Variants in ITGB5 observed in about 807,000 individuals in gnomAD.
The protein encoded by ITGB5 is integrin beta-5.
In ITGB5, 38 loss-of-function variants were observed where a neutral mutation model predicts 84.8. The ratio of observed to expected loss-of-function variants is 0.45; its 90% CI spans 0.35 to 0.59. ITGB5 has a LOEUF of 0.59. Among genes scored for constraint, ITGB5 ranks in the 20% least tolerant of loss-of-function variants. The pLI is 0.01. For synonymous variants in ITGB5, 393 were observed against 414.4 expected, an observed-to-expected ratio of 0.95 and a Z score of 0.63; for missense variants, 905 against 1,034.5, an observed-to-expected ratio of 0.87 and a Z score of 1.72.
intron 4 of ITGB5, among the ~76,000 whole-genome samples, chr3:124,846,405 C>G (rs531800701): frequency 6.7e-6 from 1 of 150,258 alleles, no homozygotes; most frequent in Admixed American, 6.6e-5. Context: ...CAGCTCAGCC[C>G]TCATCAGATG....
At chr3:124,878,641 C>G (rs916695650) in intron 1 of ITGB5, 3 of 152,118 alleles carry the variant, frequency 2.0e-5, no homozygotes, top group Non-Finnish European at 4.4e-5. Context: ...GTGCCGGGTA[C>G]CAGGTACCAG....
chr3:124,888,479 A>T (rs890860805), upstream of ITGB5, among the ~76,000 whole-genome samples: 1 of 152,094 alleles, frequency 6.6e-6, no homozygotes, highest in Admixed American at 6.6e-5. Context: ...TTTAGAGTGG[A>T]GTGGTTGATA....
chr3:124,841,179 G>A (rs1361974457), intron 5 of ITGB5, among the ~76,000 whole-genome samples: 1 of 152,172 alleles, frequency 6.6e-6, no homozygotes, highest in East Asian at 1.9e-4. Flanking sequence ...CAGAGACACA[G>A]ACCAGCCCAA....
intron 6 of ITGB5, among the ~76,000 whole-genome samples, chr3:124,820,302 C>G (rs188610460): frequency 6.6e-6 from 1 of 152,324 alleles, no homozygotes; most frequent in East Asian, 1.9e-4. Flanking sequence ...CAACATCCCC[C>G]ACAGGTCCTG....
At chr3:124,896,165 C>T (rs1935097754) in intron 1 of ITGB5, among the ~76,000 whole-genome samples, 1 of 152,212 alleles carries the variant, frequency 6.6e-6, no homozygotes, top group African/African-American at 2.4e-5. Context: ...AAATGATCAC[C>T]TTTCCTCTTT....
intron 5 of ITGB5, 67 bp from the exon 6 acceptor site, chr3:124,821,541 A>G (rs565353207): frequency 3.8e-5 from 59 of 1,551,164 alleles, no homozygotes; most frequent in Non-Finnish European, 4.3e-5. Flanking sequence ...CATGCAGGGC[A>G]CTGGCCCCTC....
Position 124,811,634 on chromosome 3 carries a change from C to T in ITGB5, c.1129-2478G>A, listed in dbSNP as rs78404888. Among the ~76,000 whole-genome samples the T allele has an allele frequency of 2.9e-3, 436 of 152,322 alleles. 1 individual carries two copies. The highest frequency in any genetic ancestry group is 9.7e-3 in the African/African-American group (404 of 41,562). ...GGACTTGGACTCCTACTCTGTGAGT[C>T]AGCAACTAAGAATTAGATGGAAATG... On this transcript the variant is annotated intron_variant, in intron 8 of 14. Coordinates refer to ENST00000296181, the MANE Select transcript of ITGB5 (RefSeq NM_002213.5).
chr3:124,861,495 T>TACACAC (rs1553766077), intron 2 of ITGB5, among the ~76,000 whole-genome samples: 5,067 of 111,876 alleles, frequency 0.045, 170 homozygotes, highest in Non-Finnish European at 0.063. Context: ...TATATATATA[T>TACACAC]ACACACACAC....
intron 5 of ITGB5, among the ~76,000 whole-genome samples, chr3:124,821,910 T>TG (rs1366540645): frequency 2.0e-5 from 3 of 150,954 alleles, no homozygotes; most frequent in Non-Finnish European, 4.4e-5. Flanking sequence ...TCTAAGATGA[T>TG]GGTTAAGATT....
intron 9 of ITGB5, 145 bp from the exon 10 acceptor site, chr3:124,796,962 AG>A: frequency 1.4e-6 from 1 of 723,378 alleles, no homozygotes; most frequent in East Asian, 2.7e-5. Context: ...TGGCCGGAGT[AG>A]GAAGAGACCT....
At chr3:124,892,712 AAG>A (rs1395839376) in intron 1 of ITGB5, among the ~76,000 whole-genome samples, 2 of 150,654 alleles carry the variant, frequency 1.3e-5, no homozygotes, top group Non-Finnish European at 3.0e-5. Context: ...AAAAAAAAAA[AAG>A]TTAAAATGGT....
intron 1 of ITGB5, among the ~76,000 whole-genome samples, chr3:124,877,268 C>T (rs1934368823): frequency 6.6e-6 from 1 of 151,880 alleles, no homozygotes; most frequent in Non-Finnish European, 1.5e-5. Flanking sequence ...CGTGAGCTAC[C>T]ACACCTGGCT....
At chr3:124,881,957 G>C (rs1356115216) in intron 1 of ITGB5, among the ~76,000 whole-genome samples, 1 of 152,002 alleles carries the variant, frequency 6.6e-6, no homozygotes, top group Non-Finnish European at 1.5e-5. Flanking sequence ...AACAGAGTGA[G>C]ACTCCAATTA....
chr3:124,813,084 C>G (rs1391942261), intron 8 of ITGB5, among the ~76,000 whole-genome samples: 1 of 152,174 alleles, frequency 6.6e-6, no homozygotes, highest in Non-Finnish European at 1.5e-5. Context: ...GAGAGCAGAG[C>G]TGACGAAAAC....
intron 9 of ITGB5, among the ~76,000 whole-genome samples, chr3:124,805,296 C>T (rs2064382864): frequency 6.6e-6 from 1 of 152,092 alleles, no homozygotes; most frequent in African/African-American, 2.4e-5. Context: ...GTGCTCTCCA[C>T]CACGCCCAGA....
At chr3:124,806,025 A>G (rs2064396409) in intron 9 of ITGB5, among the ~76,000 whole-genome samples, 1 of 152,216 alleles carries the variant, frequency 6.6e-6, no homozygotes, top group African/African-American at 2.4e-5. Context: ...AACCCAAGCC[A>G]ATGATAAACA....
At chr3:124,779,711 T>C (rs2063975192) in intron 10 of ITGB5, among the ~76,000 whole-genome samples, 1 of 152,138 alleles carries the variant, frequency 6.6e-6, no homozygotes, top group African/African-American at 2.4e-5. Flanking sequence ...CCAGTAAAAA[T>C]GCCTTGCGGG....
At chr3:124,786,740 A>C (rs2064087214) in intron 10 of ITGB5, among the ~76,000 whole-genome samples, 1 of 152,010 alleles carries the variant, frequency 6.6e-6, no homozygotes, top group Non-Finnish European at 1.5e-5. Context: ...CATGACAGAC[A>C]CTCACCCCAA....
intron 10 of ITGB5, among the ~76,000 whole-genome samples, chr3:124,782,350 G>A (rs1045476961): frequency 6.6e-6 from 1 of 152,216 alleles, no homozygotes; most frequent in African/African-American, 2.4e-5. Context: ...TGGGAAGAGA[G>A]CATTTCAAGG....
Sources: allele counts gnomAD v4.1 joint callset (sites outside exome capture counted in the v4.1 genomes callset), GRCh38; gene constraint gnomAD v4.1.1; transcripts MANE v1.5; gene names NCBI Gene and HGNC (gene_info 2026-07-23, HGNC 2026-07-21).